TLE2: variants seen among roughly 807,000 people sequenced by gnomAD.
TLE2 encodes the protein transducin-like enhancer protein 2.
Under a neutral mutation model 97.2 loss-of-function variants are expected in TLE2, and 74 were observed. The observed-to-expected ratio is 0.76, with a 90% CI of 0.63 to 0.92. The LOEUF (loss-of-function observed/expected upper bound fraction) is 0.92, where lower values mean the gene tolerates loss of function less well. Among genes scored for constraint, TLE2 ranks in the 40% least tolerant of loss-of-function variants. TLE2 has a pLI of 0.00. For missense variants in TLE2, 1,038 were observed against 1,008.7 expected (o/e 1.03, Z -0.39); for synonymous variants, 499 against 432.1 (o/e 1.15, Z -1.92).
intron 14 of TLE2, 73 bp from the exon 15 acceptor site, chr19:3,006,742 G>A: frequency 1.3e-6 from 2 of 1,512,384 alleles, no homozygotes; most frequent in Non-Finnish European, 1.8e-6. Flanking sequence ...AGGGCAGGGA[G>A]ACGCCTTTGT....
At chr19:3,037,605 C>CCA (rs1175653389) in intron 1 of TLE2, among the ~76,000 whole-genome samples, 1 of 152,002 alleles carries the variant, frequency 6.6e-6, no homozygotes, top group East Asian at 1.9e-4. Flanking sequence ...TGGGTTCTGA[C>CCA]CAGCAGGAGT....
At chr19:3,010,241 G>A (rs775604511) in intron 12 of TLE2, among the ~76,000 whole-genome samples, 4 of 151,924 alleles carry the variant, frequency 2.6e-5, no homozygotes, top group African/African-American at 7.2e-5. Flanking sequence ...GTGCATGCCC[G>A]TAATTCCAGC....
chr19:3,013,594 C>T (rs1410539587), intron 11 of TLE2, 75 bp downstream of exon 11: 20 of 1,270,690 alleles, frequency 1.6e-5, no homozygotes, highest in East Asian at 2.9e-5. Flanking sequence ...CTGCCCTCTG[C>T]ATCATGGGGT....
rs1043650549 is a variant in TLE2, at chr19:3,014,964, C to T, written c.679-350G>A. 2.7e-5 allele frequency among the ~76,000 whole-genome samples: 4 copies of T among 150,494 alleles called. No individual in the cohort carries two copies. The Admixed American group carries it at 2.7e-4, about 10-fold the overall frequency. On this transcript the variant is annotated intron_variant, in intron 9 of 19. Coordinates refer to ENST00000262953, the MANE Select transcript of TLE2 (RefSeq NM_003260.5). ...ATCATCCTTACCGCCTTCATAAAGA[C>T]TCCGCCTTAATAAATAAATAAATAA...
intron 5 of TLE2, 25 bp downstream of exon 5, chr19:3,024,995 T>TCCCCCC: frequency 2.5e-6 from 2 of 790,216 alleles, no homozygotes; most frequent in Admixed American, 2.2e-5. Context: ...CTTCCCCTCC[T>TCCCCCC]CCCCCCACCC....
chr19:3,040,428 C>T (rs896714460), intron 1 of TLE2, among the ~76,000 whole-genome samples: 7 of 151,608 alleles, frequency 4.6e-5, no homozygotes, highest in African/African-American at 7.3e-5. Flanking sequence ...GCAACCTCCA[C>T]CTCCCGGGTT....
intron 7 of TLE2, among the ~76,000 whole-genome samples, chr19:3,018,866 C>A (rs1282075480): frequency 6.6e-6 from 1 of 152,108 alleles, no homozygotes; most frequent in Non-Finnish European, 1.5e-5. Context: ...GATCCAGCCA[C>A]CTCGGCCTCC....
chr19:3,006,292 C>T, intron 15 of TLE2, 128 bp downstream of exon 15: 1 of 1,407,896 alleles, frequency 7.1e-7, no homozygotes, highest in South Asian at 1.3e-5. Context: ...CGAGCTCCGC[C>T]CCTCACCTAT....
At chr19:3,002,529 G>T (rs1599194541) in intron 17 of TLE2, 26 bp from the exon 18 acceptor site, 1 of 1,544,278 alleles carries the variant, frequency 6.5e-7, no homozygotes. Context: ...GAAGAGATGG[G>T]GTCACGAGCC....
At position 3,028,763 on chromosome 19, in the gene TLE2, A is replaced by C. The variant is rs756474978; in HGVS notation, c.65T>G (p.Leu22Trp). 1 of 1,612,872 alleles carries C rather than the reference A, an allele frequency of 6.2e-7. No individual in the cohort carries two copies. Among genetic ancestry groups the C allele is most frequent in the South Asian group, 1.1e-5 (1 of 91,086 alleles). Residue 22 changes from leucine to tryptophan, a missense_variant, in exon 2 of 20, where the codon TTG (leucine) becomes TGG (tryptophan). Physicochemically the swap from Leu to Trp is moderately conservative, Grantham distance 61. Coordinates refer to ENST00000262953, the MANE Select transcript of TLE2 (RefSeq NM_003260.5). Reference protein sequence around the residue: ...QSGQPFKFSILEICDRIKEEF... With the variant: ...QSGQPFKFSIWEICDRIKEEF... ...TTCTTTGATGCGGTCGCAGATCTCC[A>C]AGATCGAGAACTTGAAGGGCTGGCC...
chr19:3,000,033 CAAAA>C (rs974743198), intron 19 of TLE2, among the ~76,000 whole-genome samples: 10 of 145,202 alleles, frequency 6.9e-5, no homozygotes, highest in Non-Finnish European at 1.5e-4. Context: ...ATTCTGTCTC[CAAAA>C]AAAAAGAAGA....
At chr19:3,036,026 C>T (rs942205414) in intron 1 of TLE2, among the ~76,000 whole-genome samples, 6 of 152,196 alleles carry the variant, frequency 3.9e-5, no homozygotes, top group Admixed American at 3.9e-4. Context: ...CATCTTTCTC[C>T]CTATTTCACA....
intron 17 of TLE2, among the ~76,000 whole-genome samples, chr19:3,003,403 C>T (rs934345500): frequency 1.2e-4 from 18 of 152,042 alleles, no homozygotes; most frequent in Non-Finnish European, 2.4e-4. Flanking sequence ...TGTGGGAGGC[C>T]GAGGCGGGCG....
At chr19:3,023,663 CG>C (rs2089889159) in intron 5 of TLE2, among the ~76,000 whole-genome samples, 1 of 151,994 alleles carries the variant, frequency 6.6e-6, no homozygotes, top group South Asian at 2.1e-4. Context: ...GAGCCTGACA[CG>C]GGCGGATTGC....
At chr19:3,029,523 T>C, upstream of TLE2, 3 of 943,956 alleles carry the variant, frequency 3.2e-6, no homozygotes, top group Non-Finnish European at 3.7e-6. Context: ...GAAAAACCAG[T>C]GAAGAAATTC....
At chr19:2,998,519 C>T (rs2089277618) in intron 19 of TLE2, among the ~76,000 whole-genome samples, 1 of 152,076 alleles carries the variant, frequency 6.6e-6, no homozygotes, top group Non-Finnish European at 1.5e-5. Context: ...CTCAGGTGAT[C>T]CGCCTGCCTT....
intron 5 of TLE2, among the ~76,000 whole-genome samples, chr19:3,023,906 ACAAAAGAAAAG>A (rs1216123100): frequency 7.3e-6 from 1 of 136,168 alleles, no homozygotes; most frequent in Admixed American, 7.5e-5. Context: ...ACACACACAC[ACAAAAGAAAAG>A]AAAAAGAAAA....
At chr19:3,025,537 T>G in intron 4 of TLE2, 1 of 989,972 alleles carries the variant, frequency 1.0e-6, no homozygotes, top group Non-Finnish European at 1.2e-6. Flanking sequence ...TCTCCTCCGC[T>G]TCCCAGGACT....
rs2089997610 is a variant in TLE2 at position 3,029,194 on chromosome 19, G to A, written c.-290C>T. On this transcript the variant is annotated 5_prime_UTR_variant, in exon 1 of 20. Transcript: ENST00000262953. ...GGCGGCCGCGGCAGCCGGCGCAGAA[G>A]GTCGGGCGCGCCGCGGCCGGGTTTC... 1.7e-6 allele frequency: 1 copy of A among 601,044 alleles called. No homozygotes were observed. Among genetic ancestry groups the A allele is most frequent in the Non-Finnish European group, 2.1e-6 (1 of 481,878 alleles). The allele number at this position is 601,044 out of a possible 1,614,324, so 37.2% of individuals were successfully genotyped here.
Sources: gnomAD v4.1 joint callset for allele counts (sites outside exome capture counted in the v4.1 genomes callset) on GRCh38, gnomAD v4.1.1 for gene constraint, MANE v1.5 for transcripts, NCBI Gene and HGNC (gene_info 2026-07-23, HGNC 2026-07-21) for gene names.